PLPPR1: variants seen among roughly 807,000 people sequenced by gnomAD.
PLPPR1 encodes the protein phospholipid phosphatase related 1, also known as phospholipid phosphatase-related protein type 1.
A neutral mutation model predicts 33.1 loss-of-function variants in PLPPR1; 10 were observed. That is an observed-to-expected ratio of 0.30 (90% CI 0.19 to 0.51). PLPPR1 has a LOEUF of 0.51. PLPPR1 is among the 20% of genes least tolerant of loss of function. PLPPR1 has a pLI of 0.97. For synonymous variants in PLPPR1, 151 were observed against 151.0 expected, an observed-to-expected ratio of 1.00 and a Z score of 0.00; for missense variants, 304 against 408.1, an observed-to-expected ratio of 0.74 and a Z score of 2.20.
chr9:101,071,237 A>T (rs915933499), intron 1 of PLPPR1, among the ~76,000 whole-genome samples: 6 of 152,138 alleles, frequency 3.9e-5, no homozygotes, highest in African/African-American at 1.4e-4. Flanking sequence ...GGAGTAAGGA[A>T]GAGAGGAGTC....
intron 1 of PLPPR1, among the ~76,000 whole-genome samples, chr9:101,062,186 GTGTA>G (rs1255366633): frequency 7.6e-6 from 1 of 130,988 alleles, no homozygotes; most frequent in East Asian, 2.3e-4. Flanking sequence ...GTGTGTGTGT[GTGTA>G]TGTTTTCCTT....
intron 4 of PLPPR1, among the ~76,000 whole-genome samples, chr9:101,288,064 C>A (rs996529482): frequency 1.3e-5 from 2 of 152,112 alleles, no homozygotes; most frequent in African/African-American, 4.8e-5. Flanking sequence ...CCTTTTGTGA[C>A]CCACCCACTT....
At chr9:101,058,076 C>T (rs1465754563) in intron 1 of PLPPR1, among the ~76,000 whole-genome samples, 1 of 152,050 alleles carries the variant, frequency 6.6e-6, no homozygotes, top group Admixed American at 6.6e-5. Flanking sequence ...GGAACCAGAG[C>T]CTTCTTCCTT....
intron 1 of PLPPR1, among the ~76,000 whole-genome samples, chr9:101,152,275 T>C (rs548950759): frequency 1.7e-4 from 26 of 152,366 alleles, no homozygotes; most frequent in African/African-American, 5.5e-4. Flanking sequence ...TGTGTTTAAG[T>C]TCTCTGTAGA....
chr9:101,219,623 C>A (rs529521905), intron 2 of PLPPR1, among the ~76,000 whole-genome samples: 1 of 152,150 alleles, frequency 6.6e-6, no homozygotes, highest in Non-Finnish European at 1.5e-5. Context: ...CTTGTGGTAT[C>A]AAATTCTCAA....
intron 1 of PLPPR1, among the ~76,000 whole-genome samples, chr9:101,165,992 C>A (rs1195431792): frequency 6.6e-6 from 1 of 152,176 alleles, no homozygotes; most frequent in African/African-American, 2.4e-5. Context: ...TCACTCTCTG[C>A]CAAATGAACA....
chr9:101,185,387 G>C, intron 1 of PLPPR1, 63 bp from the exon 2 acceptor site: 1 of 582,414 alleles, frequency 1.7e-6, no homozygotes, highest in Non-Finnish European at 3.0e-6. Context: ...ATATTTTTAT[G>C]TAAGTACCTA....
chr9:101,309,616 C>G (rs1434499968), intron 5 of PLPPR1, among the ~76,000 whole-genome samples, 155 bp downstream of exon 5: 2 of 151,998 alleles, frequency 1.3e-5, no homozygotes, highest in Admixed American at 6.6e-5. Context: ...CTAGCCCCCC[C>G]ACACACACAC....
intron 1 of PLPPR1, among the ~76,000 whole-genome samples, chr9:101,058,565 G>A (rs1354512807): frequency 6.6e-6 from 1 of 152,108 alleles, no homozygotes; most frequent in African/African-American, 2.4e-5. Context: ...GTCTGAAATA[G>A]TATGGGGAAT....
At chr9:101,078,116 GAAGAAGAAGAAGAAGA>G (rs1830564703) in intron 1 of PLPPR1, among the ~76,000 whole-genome samples, 1 of 5,360 alleles carries the variant, frequency 1.9e-4, no homozygotes, top group Non-Finnish European at 3.5e-4. Context: ...AGAAGAAGAA[GAAGAAGAAGAAGAAGA>G]AGAAGAAGAA....
intron 4 of PLPPR1, among the ~76,000 whole-genome samples, chr9:101,300,683 C>T (rs754415251): frequency 2.0e-5 from 3 of 151,744 alleles, no homozygotes; most frequent in Non-Finnish European, 4.4e-5. Flanking sequence ...GAATTTGAAG[C>T]CTTCTAAAAA....
intron 2 of PLPPR1, among the ~76,000 whole-genome samples, chr9:101,233,626 C>G (rs1206613898): frequency 6.6e-6 from 1 of 151,910 alleles, no homozygotes; most frequent in Non-Finnish European, 1.5e-5. Context: ...AAACTTGGCC[C>G]TCTCTTGCTA....
rs11439112 is a variant in PLPPR1 at position 101,194,753 on chromosome 9, CA to C, written c.63+9212del. ...GGGCAACAAGAGTGAAACTCCATCT[CA>C]AAAAAAAAAAAAAAAGTTAAAACGC... On this transcript the variant is annotated intron_variant, in intron 2 of 7. Coordinates refer to ENST00000374874, the MANE Select transcript of PLPPR1 (RefSeq NM_207299.2). Among the ~76,000 whole-genome samples the C allele has an allele frequency of 3.9e-3, 454 of 116,844 alleles. 1 individual carries two copies. The highest frequency in any genetic ancestry group is 5.9e-3 in the South Asian group (22 of 3,744). The allele number at this position is 116,844 out of a possible 152,430, so 76.7% of individuals were successfully genotyped here.
At chr9:101,276,887 C>G (rs981163099) in intron 3 of PLPPR1, among the ~76,000 whole-genome samples, 1 of 152,144 alleles carries the variant, frequency 6.6e-6, no homozygotes, top group Admixed American at 6.5e-5. Context: ...TCCATTTAAG[C>G]CTTGAGCTTT....
At chr9:101,187,189 G>A (rs931478325) in intron 2 of PLPPR1, 1 of 151,780 alleles carries the variant, frequency 6.6e-6, no homozygotes, top group Non-Finnish European at 1.5e-5. Context: ...AGTAGGCTGC[G>A]GGAAGTTAGG....
chr9:101,240,473 G>T (rs1017762832), intron 2 of PLPPR1, among the ~76,000 whole-genome samples: 1 of 151,848 alleles, frequency 6.6e-6, no homozygotes, highest in South Asian at 2.1e-4. Flanking sequence ...CATTGCATCT[G>T]TGGATTTCTT....
chr9:101,116,225 T>C (rs7870507), intron 1 of PLPPR1, among the ~76,000 whole-genome samples: 76,175 of 152,024 alleles, frequency 0.5, 19,390 homozygotes, highest in African/African-American at 0.58. Flanking sequence ...TGTTATTAGA[T>C]TCTAGTCTCA....
chr9:101,233,282 A>G (rs980642623), intron 2 of PLPPR1, among the ~76,000 whole-genome samples: 2 of 151,980 alleles, frequency 1.3e-5, no homozygotes, highest in Non-Finnish European at 2.9e-5. Context: ...GCCATTCTTC[A>G]TTTACTTCTG....
chr9:101,313,126 A>C, intron 6 of PLPPR1, 152 bp downstream of exon 6: 1 of 734,496 alleles, frequency 1.4e-6, no homozygotes, highest in East Asian at 2.7e-5. Context: ...CTTTTGCTAC[A>C]AAAATGATTT....
Sources: gnomAD v4.1 joint callset for allele counts (sites outside exome capture counted in the v4.1 genomes callset) on GRCh38, gnomAD v4.1.1 for gene constraint, MANE v1.5 for transcripts, NCBI Gene and HGNC (gene_info 2026-07-23, HGNC 2026-07-21) for gene names.